Variants in EPC2 observed in about 807,000 individuals in gnomAD.
EPC2 encodes the protein enhancer of polycomb homolog 2.
EPC2 carries 14 observed loss-of-function variants against 92.1 expected under a neutral mutation model. That is an observed-to-expected ratio of 0.15 (90% confidence interval 0.10 to 0.24). The LOEUF is 0.24. Ranked by LOEUF, EPC2 falls within the 10% of genes least tolerant of loss-of-function variation. The probability of loss-of-function intolerance (pLI) is 1.00; values close to 1 mark genes in which losing one functional copy is unlikely to be tolerated. For missense variants in EPC2, 755 were observed against 971.5 expected, an observed-to-expected ratio of 0.78 and a Z score of 2.96; for synonymous variants, 340 against 334.7, an observed-to-expected ratio of 1.02 and a Z score of -0.17.
chr2:148,765,156 T>G lies in EPC2; in HGVS notation c.1140+10T>G. 2 of 1,508,732 alleles carry G rather than the reference T, an allele frequency of 1.3e-6. No homozygotes were observed. Among genetic ancestry groups the G allele is most frequent in the Non-Finnish European group, 1.8e-6 (2 of 1,123,000 alleles). The allele number at this position is 1,508,732 out of a possible 1,614,324, so 93.5% of individuals were successfully genotyped here. A position where few individuals can be genotyped will look rare whatever the true frequency, so the allele number is the denominator to read the frequency against. On this transcript the variant is annotated intron_variant, in intron 7 of 13. Coordinates refer to ENST00000258484, the MANE Select transcript of EPC2 (RefSeq NM_015630.4). ...AGATGAATTTCCACAGGTGCTTGTT[T>G]TAAAATATTTTAAAGATATTTCTTC...
intron 1 of EPC2, among the ~76,000 whole-genome samples, chr2:148,659,393 C>T (rs1680888501): frequency 6.6e-6 from 1 of 151,984 alleles, no homozygotes; most frequent in Admixed American, 6.6e-5. Flanking sequence ...AATAGTTAAT[C>T]TTCATTGCAT....
At chr2:148,698,198 A>G (rs1382963323) in intron 2 of EPC2, among the ~76,000 whole-genome samples, 3 of 152,190 alleles carry the variant, frequency 2.0e-5, no homozygotes, top group Non-Finnish European at 4.4e-5. Context: ...TTGTTTCCTC[A>G]CTAACATTGT....
intron 4 of EPC2, among the ~76,000 whole-genome samples, chr2:148,758,786 A>T (rs1683242920): frequency 6.6e-6 from 1 of 152,236 alleles, no homozygotes; most frequent in Non-Finnish European, 1.5e-5. Context: ...TAATATCAGC[A>T]GTAATGGGAC....
chr2:148,663,915 C>T (rs1681005560), intron 1 of EPC2, among the ~76,000 whole-genome samples: 1 of 152,092 alleles, frequency 6.6e-6, no homozygotes, highest in Non-Finnish European at 1.5e-5. Context: ...AGATGAAGCT[C>T]AGGGTAATGC....
At chr2:148,724,236 A>T (rs13019758) in intron 2 of EPC2, among the ~76,000 whole-genome samples, 27,745 of 151,844 alleles carry the variant, frequency 0.18, 3,269 homozygotes, top group East Asian at 0.49. Context: ...TTTTCTCAAT[A>T]TTTTTGTTTT....
intron 1 of EPC2, among the ~76,000 whole-genome samples, chr2:148,674,888 T>TAA (rs774003397): frequency 6.6e-6 from 1 of 152,204 alleles, no homozygotes; most frequent in Non-Finnish European, 1.5e-5. Context: ...GTATGGGGCT[T>TAA]ACTCATCCTC....
chr2:148,782,427 C>T (rs1173657936), intron 11 of EPC2, among the ~76,000 whole-genome samples: 2 of 152,044 alleles, frequency 1.3e-5, no homozygotes, highest in Non-Finnish European at 2.9e-5. Context: ...AGCCCAGCTA[C>T]TTGGGAGGCT....
At chr2:148,671,837 C>T (rs1358768703) in intron 1 of EPC2, among the ~76,000 whole-genome samples, 1 of 151,866 alleles carries the variant, frequency 6.6e-6, no homozygotes, top group African/African-American at 2.4e-5. Context: ...GCATTATTTT[C>T]ATTTAGAGGA....
chr2:148,704,191 C>G (rs768979569), intron 2 of EPC2, among the ~76,000 whole-genome samples: 1 of 152,076 alleles, frequency 6.6e-6, no homozygotes. Flanking sequence ...GTGGCGTGTA[C>G]TTAGAATGAA....
intron 1 of EPC2, among the ~76,000 whole-genome samples, chr2:148,656,930 T>A (rs989544762): frequency 2.0e-5 from 3 of 152,214 alleles, no homozygotes; most frequent in African/African-American, 7.2e-5. Flanking sequence ...TAATTGACTA[T>A]AATGTACTAT....
At chr2:148,738,429 C>G (rs951858291) in intron 2 of EPC2, among the ~76,000 whole-genome samples, 2 of 152,126 alleles carry the variant, frequency 1.3e-5, no homozygotes, top group African/African-American at 4.8e-5. Context: ...ATAAAGAGTT[C>G]TAAATTCACA....
intron 2 of EPC2, among the ~76,000 whole-genome samples, chr2:148,725,971 C>T (rs1285945872): frequency 1.3e-5 from 2 of 152,088 alleles, no homozygotes; most frequent in Non-Finnish European, 2.9e-5. Flanking sequence ...CCTCCTGTTA[C>T]CCTCCAGCCG....
chr2:148,652,965 T>A (rs1353943158), intron 1 of EPC2, among the ~76,000 whole-genome samples: 1 of 152,206 alleles, frequency 6.6e-6, no homozygotes, highest in Non-Finnish European at 1.5e-5. Flanking sequence ...TGAGTTTATT[T>A]TAATTTTCTA....
chr2:148,702,170 T>C (rs1050989136), intron 2 of EPC2, among the ~76,000 whole-genome samples: 6 of 152,200 alleles, frequency 3.9e-5, no homozygotes, highest in Non-Finnish European at 7.3e-5. Context: ...TGTAAACTGA[T>C]TTCTTATCAT....
chr2:148,728,986 C>T (rs181866743), intron 2 of EPC2, among the ~76,000 whole-genome samples: 15 of 131,750 alleles, frequency 1.1e-4, no homozygotes, highest in East Asian at 2.2e-4. Flanking sequence ...GAGGCAAGAT[C>T]GCGCCACTGT....
intron 2 of EPC2, among the ~76,000 whole-genome samples, chr2:148,727,259 G>A (rs1312565805): frequency 6.6e-6 from 1 of 152,090 alleles, no homozygotes; most frequent in Non-Finnish European, 1.5e-5. Flanking sequence ...TTTATTTCTG[G>A]GGTTTCTGTT....
Position 148,754,088 on chromosome 2 carries a change from T to C in EPC2, c.621T>C (p.Pro207=), listed in dbSNP as rs779554413. 5.6e-6 allele frequency: 9 copies of C among 1,609,780 alleles called. No individual in the cohort carries two copies. Among genetic ancestry groups the C allele is most frequent in the Non-Finnish European group, 7.6e-6 (9 of 1,177,984 alleles). ...EKRDGSTNND[P]YVAFRRRTEK... ...GAGATGGCTCTACCAACAATGACCC[T>C]TATGTTGCCTTTCGGAGAAGAACAG... Residue 207 remains proline (P), a synonymous_variant, in exon 4 of 14, where the codon CCT becomes CCC. Coordinates refer to ENST00000258484, the MANE Select transcript of EPC2 (RefSeq NM_015630.4).
At chr2:148,658,037 A>G (rs1293312957) in intron 1 of EPC2, among the ~76,000 whole-genome samples, 1 of 152,112 alleles carries the variant, frequency 6.6e-6, no homozygotes, top group Non-Finnish European at 1.5e-5. Flanking sequence ...TACCTAAGCC[A>G]TTGCTCCAAG....
At chr2:148,774,888 C>T (rs1040426533) in intron 10 of EPC2, among the ~76,000 whole-genome samples, 3 of 151,240 alleles carry the variant, frequency 2.0e-5, no homozygotes, top group African/African-American at 4.8e-5. Context: ...GAGATTGAGA[C>T]CATCCTGACT....
Sources: allele counts gnomAD v4.1 joint callset (sites outside exome capture counted in the v4.1 genomes callset), GRCh38; gene constraint gnomAD v4.1.1; transcripts MANE v1.5; gene names NCBI Gene and HGNC (gene_info 2026-07-23, HGNC 2026-07-21).